Variants in NTRK1 observed in about 807,000 individuals in gnomAD.
NTRK1 encodes the protein neurotrophic receptor tyrosine kinase 1.
In NTRK1, 62 loss-of-function variants were observed where a neutral mutation model predicts 86.8. The ratio of observed to expected loss-of-function variants is 0.71; its 90% CI spans 0.58 to 0.88. NTRK1 has a LOEUF of 0.88. Among genes scored for constraint, NTRK1 ranks in the 40% least tolerant of loss-of-function variants. The pLI is 0.00. For synonymous variants in NTRK1, 469 were observed against 456.6 expected, an observed-to-expected ratio of 1.03 and a Z score of -0.35; for missense variants, 967 against 1,078.4, an observed-to-expected ratio of 0.90 and a Z score of 1.45.
chr1:156,861,814 C>T (rs543889536), intron 1 of NTRK1, among the ~76,000 whole-genome samples: 1 of 152,268 alleles, frequency 6.6e-6, no homozygotes, highest in South Asian at 2.1e-4. Context: ...GGAGTCAGGG[C>T]CCTTGCTGAG....
intron 8 of NTRK1, 96 bp downstream of exon 8, chr1:156,874,055 C>A (rs1475076151): frequency 1.5e-6 from 2 of 1,326,908 alleles, no homozygotes; most frequent in Non-Finnish European, 2.1e-6. Context: ...AATTGGAGTG[C>A]CTGGTTCGGG....
intron 1 of NTRK1, among the ~76,000 whole-genome samples, chr1:156,817,047 T>TTCTCTC (rs3840456): frequency 0.2 from 22,347 of 113,750 alleles, 3,421 homozygotes; most frequent in Non-Finnish European, 0.28. Flanking sequence ...GAACTTCCCT[T>TTCTCTC]TCTCTCTCTC....
chr1:156,840,842 A>G, intron 1 of NTRK1: 7 of 1,554,072 alleles, frequency 4.5e-6, no homozygotes, highest in Middle Eastern at 1.8e-4. Context: ...CTGTCTCCCC[A>G]TGGGAGGCCA....
chr1:156,879,255 G>T lies in NTRK1; in HGVS notation c.1939G>T (p.Val647Leu), dbSNP rs142870382. The change falls in exon 15 of 17, where the codon GTG becomes TTG. Residue 647 changes from valine to leucine, a missense_variant. By Grantham distance (32) the Val-to-Leu change is conservative. Transcript: ENST00000524377. ...GGTGTACCTGGCGGGTCTGCATTTT[G>T]TGCACCGGGACCTGGCCACACGCAA... ...GMVYLAGLHF[V>L]HRDLATRNCL... The T allele has an allele frequency of 4.5e-5, 72 of 1,613,910 alleles. No homozygotes were observed. Among genetic ancestry groups the T allele is most frequent in the Admixed American group, 2.3e-4 (14 of 60,006 alleles).
intron 1 of NTRK1, chr1:156,841,606 G>A: frequency 6.2e-7 from 1 of 1,609,454 alleles, no homozygotes; most frequent in Non-Finnish European, 8.5e-7. Context: ...GGTGTTCCAG[G>A]CCCCTCCCCA....
At chr1:156,817,638 A>G (rs2102828979) in intron 1 of NTRK1, among the ~76,000 whole-genome samples, 1 of 147,032 alleles carries the variant, frequency 6.8e-6, no homozygotes, top group East Asian at 2.0e-4. Context: ...ATCAGTGTTG[A>G]CATCTTTTTT....
intron 1 of NTRK1, among the ~76,000 whole-genome samples, chr1:156,825,762 A>G (rs1307822172): frequency 2.6e-5 from 4 of 152,198 alleles, no homozygotes; most frequent in Non-Finnish European, 2.9e-5. Context: ...GGGGCTTCCA[A>G]TTTGGAACTT....
At chr1:156,847,560 G>A (rs760498430) in intron 2 of NTRK1, among the ~76,000 whole-genome samples, 18 of 152,160 alleles carry the variant, frequency 1.2e-4, no homozygotes, top group Non-Finnish European at 2.2e-4. Flanking sequence ...CTGAGCCAGG[G>A]ACAAAACTTG....
chr1:156,816,921 G>C (rs773219658), intron 1 of NTRK1: 10 of 426,042 alleles, frequency 2.3e-5, no homozygotes, highest in Admixed American at 1.3e-4. Flanking sequence ...TGTAGATAGC[G>C]GTGGTATAGC....
At chr1:156,841,272 G>A (rs987093726) in intron 1 of NTRK1, 16 of 1,064,296 alleles carry the variant, frequency 1.5e-5, no homozygotes, top group Non-Finnish European at 2.0e-5. Flanking sequence ...GGGGGGTGGC[G>A]CTCATAGCTG....
intron 7 of NTRK1, among the ~76,000 whole-genome samples, chr1:156,872,633 T>A (rs1571694527): frequency 6.6e-6 from 1 of 151,742 alleles, no homozygotes; most frequent in South Asian, 2.1e-4. Flanking sequence ...ATACACTTTT[T>A]TTCTATCATT....
rs565170907 is a variant in NTRK1 at position 156,874,267 on chromosome 1, C to G, written c.1178-116C>G. ...GGCCCAGCAGCCCACCTCCATCCCCCCTCGTCCCATGAAGGAATGAGTCCC... is the reference window on the plus strand; with the variant it reads ...GGCCCAGCAGCCCACCTCCATCCCCGCTCGTCCCATGAAGGAATGAGTCCC... On this transcript the variant is annotated intron_variant, in intron 8 of 16. Coordinates refer to ENST00000524377, the MANE Select transcript of NTRK1 (RefSeq NM_002529.4). The G allele has an allele frequency of 4.0e-4, 594 of 1,494,726 alleles. No homozygotes were observed. The African/African-American group carries it at 6.4e-3, about 16-fold the overall frequency. The allele number at this position is 1,494,726 out of a possible 1,614,324, so 92.6% of individuals were successfully genotyped here.
intron 2 of NTRK1, chr1:156,845,840 G>C: frequency 6.2e-7 from 1 of 1,605,904 alleles, no homozygotes; most frequent in Non-Finnish European, 8.5e-7. Flanking sequence ...GAAGACACTA[G>C]TAAGACAGGC....
chr1:156,822,218 A>T (rs1016443936), intron 1 of NTRK1, among the ~76,000 whole-genome samples: 1 of 152,204 alleles, frequency 6.6e-6, no homozygotes, highest in African/African-American at 2.4e-5. Context: ...TTTGGGCTTC[A>T]GCTTGTTCTG....
At chr1:156,839,761 G>A (rs1434060494) in intron 1 of NTRK1, among the ~76,000 whole-genome samples, 1 of 152,198 alleles carries the variant, frequency 6.6e-6, no homozygotes, top group African/African-American at 2.4e-5. Context: ...ATAACAAGGG[G>A]TGAAATTAAG....
chr1:156,833,806 G>A (rs1654527082), intron 1 of NTRK1, among the ~76,000 whole-genome samples: 1 of 152,144 alleles, frequency 6.6e-6, no homozygotes, highest in African/African-American at 2.4e-5. Flanking sequence ...GACAGGGGAG[G>A]ACTCACTTCT....
chr1:156,852,299 C>A, intron 2 of NTRK1: 1 of 1,067,562 alleles, frequency 9.4e-7, no homozygotes, highest in East Asian at 2.6e-5. Context: ...CAATCTGCAC[C>A]CAGGTCCCTC....
intron 2 of NTRK1, chr1:156,844,309 A>G: frequency 1.3e-6 from 2 of 1,590,440 alleles, no homozygotes; most frequent in Non-Finnish European, 1.7e-6. Flanking sequence ...CAGAGGGTAG[A>G]GTCAAAGATG....
At chr1:156,839,979 C>T (rs1156867432) in intron 1 of NTRK1, 3 of 152,136 alleles carry the variant, frequency 2.0e-5, no homozygotes, top group Admixed American at 6.5e-5. Context: ...GTCACCACCT[C>T]GAGTCCCAGA....
Sources: gnomAD v4.1 joint callset for allele counts (sites outside exome capture counted in the v4.1 genomes callset) on GRCh38, gnomAD v4.1.1 for gene constraint, MANE v1.5 for transcripts, NCBI Gene and HGNC (gene_info 2026-07-23, HGNC 2026-07-21) for gene names.